Variants in HMGCLL1 observed in about 807,000 individuals in gnomAD.
HMGCLL1 encodes the protein 3-hydroxy-3-methylglutaryl-CoA lyase like 1.
A neutral mutation model predicts 39.1 loss-of-function variants in HMGCLL1; 36 were observed. The observed-to-expected ratio is 0.92, with a 90% CI of 0.71 to 1.22. HMGCLL1 has a LOEUF of 1.22. HMGCLL1 is among the 50% of genes most tolerant of loss of function. The probability of loss-of-function intolerance (pLI) is 0.00; values close to 1 mark genes in which losing one functional copy is unlikely to be tolerated. For synonymous variants in HMGCLL1, 149 were observed against 144.0 expected (o/e 1.03, Z -0.25); for missense variants, 451 against 416.5 (o/e 1.08, Z -0.72).
chr6:55,557,326 C>T (rs1770726566), intron 1 of HMGCLL1, among the ~76,000 whole-genome samples: 1 of 152,164 alleles, frequency 6.6e-6, no homozygotes, highest in Non-Finnish European at 1.5e-5. Context: ...TAGCATCTAA[C>T]ATCAGGCTGG....
At chr6:55,513,143 G>A in intron 5 of HMGCLL1, 1 of 152,026 alleles carries the variant, frequency 6.6e-6, no homozygotes, top group East Asian at 1.9e-4. Flanking sequence ...TCCTGTCACT[G>A]GTTTGCATGT....
the HMGCLL1 span, among the ~76,000 whole-genome samples, chr6:55,629,950 G>T: frequency 6.6e-6 from 1 of 152,178 alleles, no homozygotes; most frequent in Non-Finnish European, 1.5e-5. Context: ...GAGAAACTCT[G>T]CTAGGGCAGT....
At chr6:55,508,349 A>C (rs1039897678) in intron 5 of HMGCLL1, among the ~76,000 whole-genome samples, 3 of 151,954 alleles carry the variant, frequency 2.0e-5, no homozygotes, top group South Asian at 4.1e-4. Context: ...TTTTAAAATA[A>C]ATTTTTGATT....
At chr6:55,612,870 A>G in the HMGCLL1 span, among the ~76,000 whole-genome samples, 1 of 152,188 alleles carries the variant, frequency 6.6e-6, no homozygotes, top group Non-Finnish European at 1.5e-5. Flanking sequence ...ATGCAATACC[A>G]TTCAGGGTCA....
the HMGCLL1 span, among the ~76,000 whole-genome samples, chr6:55,594,762 G>A: frequency 6.6e-6 from 1 of 152,102 alleles, no homozygotes. Flanking sequence ...ACAGCAAGTT[G>A]TCCCATGACC....
intron 1 of HMGCLL1, among the ~76,000 whole-genome samples, chr6:55,543,248 A>G: frequency 5.8e-5 from 1 of 17,136 alleles, no homozygotes; most frequent in African/African-American, 1.8e-4. Context: ...TAATATAGAT[A>G]TATAATATAT....
chr6:55,647,759 ATTTT>A, the HMGCLL1 span, among the ~76,000 whole-genome samples: 1 of 67,992 alleles, frequency 1.5e-5, no homozygotes, highest in Non-Finnish European at 3.2e-5. Context: ...TTTTTTTTTT[ATTTT>A]ATTTTATTTT....
the HMGCLL1 span, among the ~76,000 whole-genome samples, chr6:55,666,598 G>A: frequency 6.6e-6 from 1 of 151,450 alleles, no homozygotes; most frequent in Non-Finnish European, 1.5e-5. Flanking sequence ...ATTCATAGCG[G>A]GACTCATTTA....
At chr6:55,493,425 C>T (rs937153656) in intron 7 of HMGCLL1, among the ~76,000 whole-genome samples, 4 of 152,130 alleles carry the variant, frequency 2.6e-5, no homozygotes, top group Admixed American at 6.5e-5. Context: ...TTCGGCCCAA[C>T]GTTGTTTCCT....
chr6:55,614,214 C>G, the HMGCLL1 span, among the ~76,000 whole-genome samples: 1 of 152,038 alleles, frequency 6.6e-6, no homozygotes, highest in East Asian at 1.9e-4. Flanking sequence ...ATGTTGAAGC[C>G]TTAACCCTCC....
At chr6:55,577,073 T>C (rs569595335) in intron 1 of HMGCLL1, 6 of 1,613,678 alleles carry the variant, frequency 3.7e-6, no homozygotes, top group South Asian at 1.1e-5. Context: ...CATCTGGATA[T>C]TTACCCAGTG....
intron 1 of HMGCLL1, among the ~76,000 whole-genome samples, chr6:55,557,315 G>A (rs1199317420): frequency 6.6e-6 from 1 of 152,126 alleles, no homozygotes; most frequent in Non-Finnish European, 1.5e-5. Context: ...TTTCCTGCCT[G>A]TAGCATCTAA....
At chr6:55,567,391 TAC>T (rs368257678) in intron 1 of HMGCLL1, among the ~76,000 whole-genome samples, 3 of 151,404 alleles carry the variant, frequency 2.0e-5, no homozygotes, top group South Asian at 2.1e-4. Context: ...TTTATAGGTA[TAC>T]ACACACACAC....
chr6:55,437,394 A>G (rs999210229), intron 8 of HMGCLL1, among the ~76,000 whole-genome samples: 3 of 151,896 alleles, frequency 2.0e-5, no homozygotes, highest in Non-Finnish European at 4.4e-5. Context: ...GGAGGCAGAG[A>G]TATGAGGCCA....
intron 3 of HMGCLL1, among the ~76,000 whole-genome samples, chr6:55,539,859 GAAGAAAGAAAGA>G (rs376526008): frequency 0.086 from 5,385 of 62,706 alleles, 277 homozygotes; most frequent in Middle Eastern, 0.16. Flanking sequence ...AAAGAAAGAG[GAAGAAAGAAAGA>G]AAGAAAGAAA....
the HMGCLL1 span, among the ~76,000 whole-genome samples, chr6:55,654,504 G>T: frequency 1.3e-5 from 2 of 151,802 alleles, no homozygotes; most frequent in Admixed American, 1.3e-4. Context: ...GACTAACTCT[G>T]GTTCCTTGAA....
the HMGCLL1 span, among the ~76,000 whole-genome samples, chr6:55,659,674 T>C: frequency 6.6e-6 from 1 of 151,924 alleles, no homozygotes; most frequent in Non-Finnish European, 1.5e-5. Flanking sequence ...ATTCTCATGT[T>C]TTTTGATGTG....
rs552425764 is a variant in HMGCLL1, at chr6:55,475,681, C to T, written c.795+19738G>A. On this transcript the variant is annotated intron_variant, in intron 7 of 8. Transcript: ENST00000274901. The stretch of plus-strand genomic sequence containing the variant: ...ATATAGCCTGTTTATCAATTATTTT[C>T]CACTGTTAGCCTTTCTCATGTGTTA... Among the ~76,000 whole-genome samples, 9 of 151,704 alleles carry T rather than the reference C, an allele frequency of 5.9e-5. No individual in the cohort carries two copies. In the East Asian group the frequency reaches 1.5e-3, roughly 26 times the overall value.
chr6:55,448,873 T>C, intron 7 of HMGCLL1, among the ~76,000 whole-genome samples: 1 of 152,104 alleles, frequency 6.6e-6, no homozygotes, highest in East Asian at 1.9e-4. Flanking sequence ...AGAACACACT[T>C]GAGTGGCAAG....
Sources: allele counts gnomAD v4.1 joint callset (sites outside exome capture counted in the v4.1 genomes callset), GRCh38; gene constraint gnomAD v4.1.1; transcripts MANE v1.5; gene names NCBI Gene and HGNC (gene_info 2026-07-23, HGNC 2026-07-21).